Variants in PDZD2 observed in about 807,000 individuals in gnomAD.
PDZD2 encodes PDZ domain containing 2, also known as PDZ domain-containing protein 2.
PDZD2 carries 90 observed loss-of-function variants against 220.7 expected under a neutral mutation model. That is an observed-to-expected ratio of 0.41 (90% CI 0.34 to 0.49). The LOEUF (loss-of-function observed/expected upper bound fraction) is 0.49, where lower values mean the gene tolerates loss of function less well. Ranked by LOEUF, PDZD2 falls within the 20% of genes least tolerant of loss-of-function variation. The probability of loss-of-function intolerance (pLI) is 0.28; values close to 1 mark genes in which losing one functional copy is unlikely to be tolerated. For synonymous variants in PDZD2, 1,375 were observed against 1,450.5 expected (o/e 0.95, Z 1.18); for missense variants, 3,174 against 3,608.5 (o/e 0.88, Z 3.08).
chr5:32,056,935 CA>C lies in PDZD2; in HGVS notation c.1901-711del, dbSNP rs914709047. 3.3e-5 allele frequency among the ~76,000 whole-genome samples: 5 copies of C among 150,920 alleles called. No individual in the cohort carries two copies. In the East Asian group the frequency reaches 5.8e-4, roughly 18 times the overall value. Reference sequence around the variant, plus strand: ...TGAAACCCTGTCTCTACTAAAGATACAAAAAAAAATTAGCCATATATGGTGG... The same window carrying C: ...TGAAACCCTGTCTCTACTAAAGATACAAAAAAAATTAGCCATATATGGTGG... On this transcript the variant is annotated intron_variant, in intron 10 of 24. Coordinates refer to ENST00000438447, the MANE Select transcript of PDZD2 (RefSeq NM_178140.4).
chr5:31,956,221 G>A (rs1188627317), intron 2 of PDZD2, among the ~76,000 whole-genome samples: 1 of 151,898 alleles, frequency 6.6e-6, no homozygotes, highest in Non-Finnish European at 1.5e-5. Flanking sequence ...GGGTATTGAA[G>A]TCTCCTACTG....
intron 1 of PDZD2, among the ~76,000 whole-genome samples, chr5:31,732,998 G>C (rs1749626271): frequency 1.3e-5 from 2 of 152,164 alleles, no homozygotes; most frequent in South Asian, 4.1e-4. Flanking sequence ...CAAAGTGCTA[G>C]GATTATAGGC....
chr5:32,097,332 G>A lies in PDZD2; in HGVS notation c.7899G>A (p.Leu2633=), dbSNP rs1387238585. 1.2e-6 allele frequency: 2 copies of A among 1,613,398 alleles called. No individual in the cohort carries two copies. Among genetic ancestry groups the A allele is most frequent in the African/African-American group, 1.3e-5 (1 of 75,034 alleles). The change falls in exon 22 of 25, where the codon CTG becomes CTA. Residue 2633 remains leucine, a synonymous_variant. Transcript: ENST00000438447. ...TGAATAGAAAAGAAGGCTCAGGTCT[G>A]GGATTCAGTGTGGCAGGAGGGACAG... ...IVLNRKEGSG[L]GFSVAGGTDV...
Position 32,087,213 on chromosome 5 carries a change from C to A in PDZD2, c.3765C>A (p.Asp1255Glu). The change falls in exon 20 of 25, where the codon GAC (aspartate) becomes GAA (glutamate). Residue 1255 changes from aspartate to glutamate, a missense_variant. Coordinates refer to ENST00000438447, the MANE Select transcript of PDZD2 (RefSeq NM_178140.4). This position sits in a 1 kb window ranked among gnomAD's most constrained non-coding sequence, Gnocchi z 4.0. ...CTGACCCCAGCAAGACCTCTGTAGA[C>A]ACAGGGCAAGTCAGTCGGCCAGAGA... Reference protein sequence around the residue: ...AHPDPSKTSVDTGQVSRPENP... With the variant: ...AHPDPSKTSVETGQVSRPENP... 6.2e-7 allele frequency: 1 copy of A among 1,614,034 alleles called. No homozygotes were observed. The highest frequency in any genetic ancestry group is 8.5e-7 in the Non-Finnish European group (1 of 1,179,906).
At chr5:31,789,140 T>G (rs1246364130) in intron 1 of PDZD2, among the ~76,000 whole-genome samples, 1 of 152,326 alleles carries the variant, frequency 6.6e-6, no homozygotes, top group East Asian at 1.9e-4. Context: ...CTGGTATAGC[T>G]GCTCAAGGTC....
At chr5:31,979,875 G>T (rs1408988837) in intron 2 of PDZD2, among the ~76,000 whole-genome samples, 1 of 152,152 alleles carries the variant, frequency 6.6e-6, no homozygotes, top group Non-Finnish European at 1.5e-5. Flanking sequence ...ATGTGAACTT[G>T]GGCAAGCTGA....
chr5:31,659,181 C>T (rs758950165), intron 1 of PDZD2, among the ~76,000 whole-genome samples: 2 of 152,162 alleles, frequency 1.3e-5, no homozygotes, highest in Non-Finnish European at 2.9e-5. Flanking sequence ...CTCTGAGCTC[C>T]TCTCCATGGA....
intron 1 of PDZD2, among the ~76,000 whole-genome samples, chr5:31,758,575 C>T (rs1001918263): frequency 2.6e-5 from 4 of 152,178 alleles, no homozygotes; most frequent in Admixed American, 1.3e-4. Context: ...CTCTCACGCT[C>T]GGGCCCTACA....
chr5:31,883,229 T>TA (rs1288797291), intron 2 of PDZD2, among the ~76,000 whole-genome samples: 1 of 143,774 alleles, frequency 7.0e-6, no homozygotes, highest in Non-Finnish European at 1.5e-5. Context: ...TTTTTTTTTT[T>TA]TTTTTTTTTG....
intron 1 of PDZD2, among the ~76,000 whole-genome samples, chr5:31,788,481 T>C (rs1003868945): frequency 6.6e-6 from 1 of 152,014 alleles, no homozygotes; most frequent in South Asian, 2.1e-4. Flanking sequence ...CTGGCTAACA[T>C]GGTGAAACCC....
At chr5:31,655,943 T>C (rs1210263456) in intron 1 of PDZD2, among the ~76,000 whole-genome samples, 1 of 152,246 alleles carries the variant, frequency 6.6e-6, no homozygotes, top group East Asian at 1.9e-4. Flanking sequence ...GAAGTTTGTG[T>C]TGTGTGTGAT....
chr5:32,007,020 A>T (rs1021430105), intron 5 of PDZD2, among the ~76,000 whole-genome samples: 1 of 136,806 alleles, frequency 7.3e-6, no homozygotes, highest in African/African-American at 2.7e-5. Context: ...GGCTTACGCC[A>T]TTCTCCTGCC....
At chr5:31,967,009 G>A (rs963858076) in intron 2 of PDZD2, among the ~76,000 whole-genome samples, 3 of 152,186 alleles carry the variant, frequency 2.0e-5, no homozygotes, top group African/African-American at 7.2e-5. Context: ...GCAATTTCTT[G>A]AATATCTTTT....
chr5:31,790,691 ATTTTTT>A (rs869296191), intron 1 of PDZD2, among the ~76,000 whole-genome samples: 37 of 75,514 alleles, frequency 4.9e-4, no homozygotes, highest in African/African-American at 1.5e-3. Flanking sequence ...TATCTCTCTA[ATTTTTT>A]TTTTTTTTTT....
At chr5:32,042,886 A>G (rs1005296233) in intron 7 of PDZD2, among the ~76,000 whole-genome samples, 3 of 152,176 alleles carry the variant, frequency 2.0e-5, no homozygotes, top group African/African-American at 7.2e-5. Flanking sequence ...AAGGGCTCCC[A>G]GGGAGGTGCC....
At chr5:31,885,017 G>T (rs960160653) in intron 2 of PDZD2, among the ~76,000 whole-genome samples, 2 of 151,978 alleles carry the variant, frequency 1.3e-5, no homozygotes, top group Admixed American at 6.6e-5. Flanking sequence ...TAAAGTGATA[G>T]ACCAAGAGAA....
intron 2 of PDZD2, among the ~76,000 whole-genome samples, chr5:31,869,521 G>C (rs767942935): frequency 6.6e-6 from 1 of 151,838 alleles, no homozygotes; most frequent in East Asian, 1.9e-4. Context: ...CCAAGATCAC[G>C]CCACTGCACT....
At chr5:31,706,842 C>CCAAA (rs1747848140) in intron 1 of PDZD2, among the ~76,000 whole-genome samples, 1 of 128,986 alleles carries the variant, frequency 7.8e-6, no homozygotes, top group Non-Finnish European at 1.7e-5. Context: ...GATTCCATCT[C>CCAAA]AAAAAAAAAA....
rs571115552 is a variant in PDZD2 at position 31,945,984 on chromosome 5, T to A, written c.477-37171T>A. Among the ~76,000 whole-genome samples, 26 of 152,214 alleles carry A rather than the reference T, an allele frequency of 1.7e-4. 1 individual carries two copies. Among genetic ancestry groups the A allele is most frequent in the Admixed American group, 1.3e-3 (20 of 15,282 alleles). On this transcript the variant is annotated intron_variant, in intron 2 of 24. Transcript: ENST00000438447. ...CTGGAAGAATTCTCCCTGGCAAACA[T>A]GCTGTTTTATTTTCATTTGTTTTTG...
Sources: gnomAD v4.1 joint callset for allele counts (sites outside exome capture counted in the v4.1 genomes callset) on GRCh38, gnomAD v4.1.1 for gene constraint, Gnocchi (gnomAD v3.1) non-coding constraint, MANE v1.5 for transcripts, NCBI Gene and HGNC (gene_info 2026-07-23, HGNC 2026-07-21) for gene names.